The following MORC3 variants were observed in gnomAD, a reference collection of about 807,000 sequenced individuals.
MORC3 encodes MORC family CW-type zinc finger 3, also known as MORC family CW-type zinc finger protein 3.
MORC3 carries 31 observed loss-of-function variants against 109.1 expected under a neutral mutation model. The ratio of observed to expected loss-of-function variants is 0.28; its 90% confidence interval spans 0.21 to 0.38. MORC3 has a LOEUF of 0.38. MORC3 is among the 10% of genes least tolerant of loss of function. The pLI is 1.00. For missense variants in MORC3, 867 were observed against 1,135.8 expected, an observed-to-expected ratio of 0.76 and a Z score of 3.40; for synonymous variants, 395 against 380.7, an observed-to-expected ratio of 1.04 and a Z score of -0.44.
chr21:36,324,153 G>A (rs8128008), intron 1 of MORC3, among the ~76,000 whole-genome samples: 1,528 of 152,212 alleles, frequency 0.01, 17 homozygotes, highest in African/African-American at 0.035. Flanking sequence ...GGGATGACAG[G>A]CATGAGGCAC....
intron 1 of MORC3, 75 bp downstream of exon 1, chr21:36,320,378 GGC>G (rs1216787612): frequency 7.9e-7 from 1 of 1,258,804 alleles, no homozygotes; most frequent in Non-Finnish European, 1.0e-6. Context: ...GCCGGCAGTG[GGC>G]GGTGGCGGCT....
At chr21:36,334,185 G>A (rs1173229973) in intron 2 of MORC3, among the ~76,000 whole-genome samples, 1 of 152,128 alleles carries the variant, frequency 6.6e-6, no homozygotes, top group African/African-American at 2.4e-5. Flanking sequence ...AGACCGGGAA[G>A]TTGAGGCTGC....
rs1041755150 is a variant in MORC3, at chr21:36,338,886, G to A, written c.573G>A (p.Lys191=). The A allele has an allele frequency of 1.2e-6, 2 of 1,614,020 alleles. No homozygotes were observed. Among genetic ancestry groups the A allele is most frequent in the Non-Finnish European group, 8.5e-7 (1 of 1,180,014 alleles). Residue 191 remains lysine (K), a synonymous_variant, in exon 5 of 17, where the codon AAG becomes AAA. Transcript: ENST00000400485. ...LLAELDAIIG[K]KGTRIIIWNL... ...CAGAACTTGATGCTATTATAGGCAA[G>A]AAGGGGACGAGGATCATCATTTGGA...
chr21:36,355,982 C>T (rs2085640674), intron 9 of MORC3, among the ~76,000 whole-genome samples: 1 of 152,028 alleles, frequency 6.6e-6, no homozygotes. Context: ...TACAGTATTG[C>T]ACTAAACGAT....
intron 12 of MORC3, 58 bp downstream of exon 12, chr21:36,360,316 C>CT: frequency 6.8e-6 from 10 of 1,477,932 alleles, no homozygotes; most frequent in Non-Finnish European, 9.4e-6. Flanking sequence ...ACAGTGATGC[C>CT]TTGGCAACAT....
intron 3 of MORC3, 111 bp downstream of exon 3, chr21:36,337,117 A>G: frequency 7.8e-7 from 1 of 1,284,866 alleles, no homozygotes; most frequent in Non-Finnish European, 1.1e-6. Context: ...TGCTGTATGT[A>G]CAGTGTGAGC....
chr21:36,336,493 C>G (rs2085377423), intron 2 of MORC3, among the ~76,000 whole-genome samples: 1 of 152,216 alleles, frequency 6.6e-6, no homozygotes, highest in Admixed American at 6.5e-5. Context: ...ATCTGCCCGC[C>G]TCAGCCTCCC....
intron 14 of MORC3, among the ~76,000 whole-genome samples, chr21:36,366,545 T>C (rs2085783791): frequency 6.6e-6 from 1 of 152,038 alleles, no homozygotes; most frequent in Non-Finnish European, 1.5e-5. Flanking sequence ...AACCTCTGCC[T>C]CCTGGTTCAA....
In MORC3 at chr21:36,333,631, T is replaced by C; in HGVS notation, c.40-15T>C. The C allele has an allele frequency of 6.2e-7, 1 of 1,602,810 alleles. No homozygotes were observed. Among genetic ancestry groups the C allele is most frequent in the Non-Finnish European group, 8.5e-7 (1 of 1,170,386 alleles). ...AGACCTGAATTAATTTACATGGACC[T>C]TTTGTTTGTTTCAGCTTTGCCCGAA... On this transcript the variant is annotated splice_polypyrimidine_tract_variant and intron_variant, in intron 1 of 16. Transcript: ENST00000400485.
rs140606661 is a variant in MORC3, at chr21:36,345,934, C to T, written c.1005+903C>T. ...TTGGCTCACTGCAGCCTCTGACTCC[C>T]AGGTTCAAGTGATCCTCGCACCTTA... On this transcript the variant is annotated intron_variant, in intron 8 of 16. Transcript: ENST00000400485. Among the ~76,000 whole-genome samples, 299 of 152,192 alleles carry T rather than the reference C, an allele frequency of 2.0e-3. 1 individual carries two copies. The highest frequency in any genetic ancestry group is 4.5e-3 in the African/African-American group (186 of 41,508).
At position 36,320,212 on chromosome 21, in the gene MORC3, C is replaced by G; in HGVS notation, c.-53C>G. ...ATAGGGCTCCACAGTCGTTCCGCCA[C>G]CTCCCAGTCGGGTTGCGGCGGAGGC... On this transcript the variant is annotated 5_prime_UTR_variant, in exon 1 of 17. Coordinates refer to ENST00000400485, the MANE Select transcript of MORC3 (RefSeq NM_015358.3). 6.4e-7 allele frequency: 1 copy of G among 1,559,564 alleles called. No individual in the cohort carries two copies. Among genetic ancestry groups the G allele is most frequent in the Non-Finnish European group, 8.7e-7 (1 of 1,151,896 alleles).
At position 36,376,454 on chromosome 21, in the gene MORC3, C is replaced by T. The variant is rs9108; in HGVS notation, c.*1158C>T. On this transcript the variant is annotated 3_prime_UTR_variant, in exon 17 of 17. Coordinates refer to ENST00000400485, the MANE Select transcript of MORC3 (RefSeq NM_015358.3). ...ATGCTTAATACGTGTCGGTCATATA[C>T]AGTATTGAATTTTTACTGTATAGTA... The T allele has an allele frequency of 2.1e-3, 317 of 152,236 alleles. No individual in the cohort carries two copies. Among genetic ancestry groups the T allele is most frequent in the African/African-American group, 7.0e-3 (291 of 41,496 alleles). The allele number at this position is 152,236 out of a possible 1,614,324, so 9.4% of individuals were successfully genotyped here.
At chr21:36,320,332 C>T (rs759509643) in intron 1 of MORC3, 29 bp downstream of exon 1, 1 of 1,316,974 alleles carries the variant, frequency 7.6e-7, no homozygotes, top group Non-Finnish European at 1.0e-6. Flanking sequence ...TGGAGCGGGC[C>T]GTGTCCCAGG....
Position 36,341,558 on chromosome 21 carries a change from G to A in MORC3, c.756+12G>A, listed in dbSNP as rs765189936. On this transcript the variant is annotated intron_variant, in intron 6 of 16. Transcript: ENST00000400485. ...ACTATTCCCTGAGGGTATGTATTCA[G>A]CTCTCTTTGTGGAAGTGAGAAAATC... is the stretch of plus-strand genomic sequence containing the variant. 6.2e-7 allele frequency: 1 copy of A among 1,613,446 alleles called. No homozygotes were observed. The highest frequency in any genetic ancestry group is 1.3e-5 in the African/African-American group (1 of 74,898).
chr21:36,344,299 C>T (rs960416927), intron 6 of MORC3, among the ~76,000 whole-genome samples: 1 of 152,070 alleles, frequency 6.6e-6, no homozygotes, highest in Non-Finnish European at 1.5e-5. Context: ...TCATACCATA[C>T]GTGCTGTTTT....
rs767138369 is a variant in MORC3, at chr21:36,344,658, C to T, written c.836C>T (p.Ser279Leu). ...RGQKVKTQLVSKSLAYIERDV... is the reference protein window; with the variant it reads ...RGQKVKTQLVLKSLAYIERDV... Reference sequence around the variant, plus strand: ...CAGAAAGTGAAGACACAGCTGGTTTCGAAGAGTCTTGCCTACATCGAACGT... The same window carrying T: ...CAGAAAGTGAAGACACAGCTGGTTTTGAAGAGTCTTGCCTACATCGAACGT... The change falls in exon 7 of 17, where the codon TCG becomes TTG. Residue 279 changes from serine (S) to leucine (L), a missense_variant. By Grantham distance (145) the Ser-to-Leu change is moderately radical. Around this residue, in one of 7 missense-constraint regions of MORC3, gnomAD observed 120 missense variants for 259.7 expected, o/e 0.46. Coordinates refer to ENST00000400485, the MANE Select transcript of MORC3 (RefSeq NM_015358.3). 1.2e-6 allele frequency: 2 copies of T among 1,614,062 alleles called. No individual in the cohort carries two copies. Among genetic ancestry groups the T allele is most frequent in the Non-Finnish European group, 1.7e-6 (2 of 1,179,998 alleles).
chr21:36,325,444 ATTTG>A (rs1380995676), intron 1 of MORC3, among the ~76,000 whole-genome samples: 4 of 152,156 alleles, frequency 2.6e-5, no homozygotes, highest in Non-Finnish European at 4.4e-5. Flanking sequence ...TTGTTTGATT[ATTTG>A]TTTATTATTG....
At position 36,337,855 on chromosome 21, in the gene MORC3, A is replaced by G; in HGVS notation, c.369A>G (p.Glu123=). 1 of 1,614,238 alleles carries G rather than the reference A, an allele frequency of 6.2e-7. No homozygotes were observed. The highest frequency in any genetic ancestry group is 8.5e-7 in the Non-Finnish European group (1 of 1,180,050). The change falls in exon 4 of 17, where the codon GAA becomes GAG. Residue 123 remains glutamate, a synonymous_variant. Coordinates refer to ENST00000400485, the MANE Select transcript of MORC3 (RefSeq NM_015358.3). ...CAATCGTTTTTACCAAAAATGGAGA[A>G]AGCATGAGCGTGGGCCTTTTGTCTC... ...KDAIVFTKNG[E]SMSVGLLSQT...
intron 4 of MORC3, 85 bp from the exon 5 acceptor site, chr21:36,338,689 C>A: frequency 8.3e-7 from 1 of 1,198,014 alleles, no homozygotes; most frequent in Non-Finnish European, 1.2e-6. Flanking sequence ...AATAGTTTTT[C>A]TGTTATTTAA....
Sources: gnomAD v4.1 joint callset for allele counts (sites outside exome capture counted in the v4.1 genomes callset) on GRCh38, gnomAD v4.1.1 for gene constraint, gnomAD v4.1.1 regional missense constraint, MANE v1.5 for transcripts, NCBI Gene and HGNC (gene_info 2026-07-23, HGNC 2026-07-21) for gene names.